The following ZNF75A variants were observed in gnomAD, a reference collection of about 807,000 sequenced individuals.
ZNF75A encodes zinc finger protein 75A.
A neutral mutation model predicts 46.3 loss-of-function variants in ZNF75A; 36 were observed. The ratio of observed to expected loss-of-function variants is 0.78; its 90% confidence interval spans 0.60 to 1.03. The LOEUF (loss-of-function observed/expected upper bound fraction) is 1.03. Among genes scored for constraint, ZNF75A ranks in the 50% least tolerant of loss-of-function variants. ZNF75A has a pLI of 0.00. For missense variants in ZNF75A, 595 were observed against 551.3 expected, an observed-to-expected ratio of 1.08 and a Z score of -0.79; for synonymous variants, 234 against 189.9, an observed-to-expected ratio of 1.23 and a Z score of -1.91.
chr16:3,321,504 T>C (rs2150837513), downstream of ZNF75A, among the ~76,000 whole-genome samples: 1 of 152,316 alleles, frequency 6.6e-6, no homozygotes, highest in South Asian at 2.1e-4. Context: ...TATTTTATTT[T>C]TGAGACAAGG....
chr16:3,314,658 T>G (rs898685733), intron 5 of ZNF75A: 8 of 985,262 alleles, frequency 8.1e-6, no homozygotes, highest in African/African-American at 3.5e-5. Flanking sequence ...GTTAATTTCT[T>G]TAGCACCTGG....
chr16:3,313,513 A>G (rs574585374), intron 5 of ZNF75A, among the ~76,000 whole-genome samples: 1 of 152,178 alleles, frequency 6.6e-6, no homozygotes, highest in Non-Finnish European at 1.5e-5. Context: ...TCTTGTCATC[A>G]TACCCCACTG....
chr16:3,313,952 T>G (rs763276742), intron 5 of ZNF75A, among the ~76,000 whole-genome samples: 5 of 152,194 alleles, frequency 3.3e-5, no homozygotes, highest in Admixed American at 6.5e-5. Flanking sequence ...TTTACCCTCT[T>G]GTTTCATTTT....
At chr16:3,322,911 C>G, downstream of ZNF75A, 3 of 985,230 alleles carry the variant, frequency 3.0e-6, no homozygotes, top group Non-Finnish European at 3.6e-6. Flanking sequence ...ACATTAAACC[C>G]TAGGATAGAA....
chr16:3,313,247 G>T, intron 5 of ZNF75A, 72 bp downstream of exon 5: 1 of 1,515,398 alleles, frequency 6.6e-7, no homozygotes, highest in Non-Finnish European at 9.0e-7. Flanking sequence ...ACCCCAGTGA[G>T]GGGTGTCTTA....
chr16:3,313,745 A>G (rs1037135626), intron 5 of ZNF75A, among the ~76,000 whole-genome samples: 1 of 152,182 alleles, frequency 6.6e-6, no homozygotes, highest in African/African-American at 2.4e-5. Flanking sequence ...TAATCAGATC[A>G]TGACATTTCC....
chr16:3,314,541 C>G (rs1447173437), intron 5 of ZNF75A, among the ~76,000 whole-genome samples: 2 of 152,198 alleles, frequency 1.3e-5, no homozygotes, highest in Non-Finnish European at 2.9e-5. Flanking sequence ...TAGGCTTGGC[C>G]CAGAGGGAAC....
Position 3,308,823 on chromosome 16 carries a change from A to AG in ZNF75A, c.395_396insG (p.Thr133AsnfsTer9). The AG allele has an allele frequency of 2.0e-6, 2 of 985,850 alleles. No individual in the cohort carries two copies. Among genetic ancestry groups the AG allele is most frequent in the Non-Finnish European group, 2.4e-6 (2 of 830,032 alleles). The allele number at this position is 985,850 out of a possible 1,614,324, so 61.1% of individuals were successfully genotyped here. A position where few individuals can be genotyped will look rare whatever the true frequency, so the allele number is the denominator to read the frequency against. ...GAACACTTGCAGAGGGAATCTGGTC[A>AG]AACATGGAATGGGGTGAGAAGAAAG... On this transcript the variant is annotated frameshift_variant, in exon 2 of 7. Transcript: ENST00000669516. LOFTEE classifies it high-confidence loss of function.
intron 2 of ZNF75A, 86 bp from the exon 3 acceptor site, chr16:3,311,667 A>G (rs1218054094): frequency 1.5e-6 from 1 of 671,852 alleles, no homozygotes; most frequent in African/African-American, 2.0e-5. Context: ...ACTACCCACA[A>G]TGTGGGCTGT....
intron 1 of ZNF75A, chr16:3,307,134 T>TG (rs1198018640): frequency 3.3e-5 from 5 of 150,762 alleles, no homozygotes; most frequent in African/African-American, 1.2e-4. Context: ...GTGTTTACAA[T>TG]AAAGAAGGTT....
Position 3,313,255 on chromosome 16 carries a change from T to C in ZNF75A, c.823+80T>C, listed in dbSNP as rs1596396300. ...AGAAGGAACCCCAGTGAGGGGTGTC[T>C]TACTGTTCCAGGAGCTGGTTGATTC... On this transcript the variant is annotated intron_variant, in intron 5 of 6. Coordinates refer to ENST00000669516, the MANE Select transcript of ZNF75A (RefSeq NM_001302109.2). 8 of 1,462,290 alleles carry C rather than the reference T, an allele frequency of 5.5e-6. No homozygotes were observed. In the East Asian group the frequency reaches 1.8e-4, roughly 33 times the overall value. 90.6% of individuals were successfully genotyped at this position (1,462,290 alleles called of 1,614,324 possible).
chr16:3,319,808 T>TA (rs398028587), downstream of ZNF75A, among the ~76,000 whole-genome samples: 6 of 151,252 alleles, frequency 4.0e-5, no homozygotes, highest in Non-Finnish European at 8.8e-5. Context: ...TTTTTTTTTT[T>TA]ATTTTTTTGC....
chr16:3,322,215 T>C (rs1283441368), downstream of ZNF75A, among the ~76,000 whole-genome samples: 1 of 152,206 alleles, frequency 6.6e-6, no homozygotes, highest in Non-Finnish European at 1.5e-5. Context: ...GTTTCTACTG[T>C]TTGTCCCAGT....
rs760707163 is a variant in ZNF75A at position 3,317,863 on chromosome 16, C to T, written c.1608C>T (p.His536=). The T allele has an allele frequency of 6.2e-7, 1 of 1,602,756 alleles. No homozygotes were observed. Among genetic ancestry groups the T allele is most frequent in the Non-Finnish European group, 8.5e-7 (1 of 1,173,868 alleles). Residue 536 remains histidine (H), a synonymous_variant, in exon 7 of 7, where the codon CAC becomes CAT. Transcript: ENST00000669516. ...GCCTTCTTAGACACCAGAAACTCCA[C>T]CTGTGAAGAGAAGCTTGTCCAGTGT... is the stretch of plus-strand genomic sequence containing the variant. The part of the protein sequence containing the change: ...RSSLLRHQKL[H]L
chr16:3,314,012 CT>C (rs1961007058), intron 5 of ZNF75A, among the ~76,000 whole-genome samples: 2 of 152,066 alleles, frequency 1.3e-5, no homozygotes, highest in Non-Finnish European at 2.9e-5. Context: ...TTGAGTACAT[CT>C]AAGTTTTGCT....
chr16:3,322,369 T>A (rs540636637), downstream of ZNF75A, among the ~76,000 whole-genome samples: 1 of 152,308 alleles, frequency 6.6e-6, no homozygotes, highest in African/African-American at 2.4e-5. Context: ...TAGGTTTCCT[T>A]CATGTATTAA....
At chr16:3,323,377 A>C, downstream of ZNF75A, 1 of 967,934 alleles carries the variant, frequency 1.0e-6, no homozygotes, top group Non-Finnish European at 1.7e-6. Flanking sequence ...CTTCCAAGCA[A>C]ATGACACCAA....
rs1285878630 is a variant in ZNF75A, at chr16:3,308,583, G to A, written c.155G>A (p.Arg52Gln). ...CCTAAGAGCTCTTGCTGGCACTTCCGGAATTTCACCTATGATGAAGCAGGT... is the reference window on the plus strand; with the variant it reads ...CCTAAGAGCTCTTGCTGGCACTTCCAGAATTTCACCTATGATGAAGCAGGT... ...LDPKSSCWHF[R>Q]NFTYDEAGGP... The change falls in exon 2 of 7, where the codon CGG (arginine) becomes CAG (glutamine). Residue 52 changes from arginine (R) to glutamine (Q), a missense_variant. Coordinates refer to ENST00000669516, the MANE Select transcript of ZNF75A (RefSeq NM_001302109.2). 1.4e-5 allele frequency: 14 copies of A among 985,830 alleles called. No homozygotes were observed. The African/African-American group carries it at 1.7e-4, about 12-fold the overall frequency. The allele number at this position is 985,830 out of a possible 1,614,324, so 61.1% of individuals were successfully genotyped here. A position where few individuals can be genotyped will look rare whatever the true frequency, so the allele number is the denominator to read the frequency against.
chr16:3,318,555 T>C lies in ZNF75A; in HGVS notation c.*686T>C, dbSNP rs929330630. The C allele has an allele frequency of 1.3e-5, 13 of 985,296 alleles. No homozygotes were observed. In the African/African-American group the frequency reaches 2.3e-4, roughly 17 times the overall value. 61.0% of individuals were successfully genotyped at this position (985,296 alleles called of 1,614,324 possible). On this transcript the variant is annotated 3_prime_UTR_variant, in exon 7 of 7. Transcript: ENST00000669516. ...ATTAGATGTAAAGAATTTTCTGCAA[T>C]AAAAGAAACTAGACTTGTTAATCCC... is the stretch of plus-strand genomic sequence containing the variant.
Sources: gnomAD v4.1 joint callset for allele counts (sites outside exome capture counted in the v4.1 genomes callset) on GRCh38, gnomAD v4.1.1 for gene constraint, MANE v1.5 for transcripts, NCBI Gene and HGNC (gene_info 2026-07-23, HGNC 2026-07-21) for gene names.